LRMDA: variants seen among roughly 807,000 people sequenced by gnomAD.
LRMDA encodes the protein leucine rich melanocyte differentiation associated.
In LRMDA, 18 loss-of-function variants were observed where a neutral mutation model predicts 29.8. The observed-to-expected ratio is 0.60, with a 90% confidence interval of 0.42 to 0.90. The LOEUF is 0.90. LRMDA is among the 40% of genes least tolerant of loss of function. LRMDA has a pLI of 0.00. For synonymous variants in LRMDA, 125 were observed against 109.4 expected, an observed-to-expected ratio of 1.14 and a Z score of -0.89; for missense variants, 273 against 273.9, an observed-to-expected ratio of 1.00 and a Z score of 0.02.
chr10:76,110,235 C>T (rs1264467761), intron 5 of LRMDA, among the ~76,000 whole-genome samples: 1 of 152,200 alleles, frequency 6.6e-6, no homozygotes, highest in African/African-American at 2.4e-5. Flanking sequence ...ATCTGTTCCA[C>T]ATTCTACCTG....
chr10:76,036,064 A>G lies in LRMDA; in HGVS notation c.188A>G (p.Asn63Ser), dbSNP rs1292447901. The G allele has an allele frequency of 3.7e-6, 6 of 1,614,092 alleles. No individual in the cohort carries two copies. Among genetic ancestry groups the G allele is most frequent in the Admixed American group, 1.7e-5 (1 of 60,022 alleles). ...RSLEELILDN[N>S]QLGDDLVLPG... ...CTGGAGGAACTCATCTTGGACAACA[A>G]TCAGCTGGGGGACGACCTTGTGTTG... The change falls in exon 3 of 7, where the codon AAT (asparagine) becomes AGT (serine). Residue 63 changes from asparagine (N) to serine (S), a missense_variant. Coordinates refer to ENST00000611255, the MANE Select transcript of LRMDA (RefSeq NM_001305581.2).
chr10:75,608,110 G>GTGTATATATATATATATATATATATATA (rs1491171608), intron 2 of LRMDA, among the ~76,000 whole-genome samples: 1 of 101,334 alleles, frequency 9.9e-6, no homozygotes, highest in African/African-American at 2.8e-5. Flanking sequence ...TGTAGTGTGT[G>GTGTATATATATATATATATATATATATA]TATATATATA....
intron 2 of LRMDA, among the ~76,000 whole-genome samples, chr10:75,859,476 T>C (rs927465420): frequency 1.3e-5 from 2 of 152,134 alleles, no homozygotes; most frequent in Non-Finnish European, 2.9e-5. Context: ...ATTTGAAAAA[T>C]AATTTCACAT....
chr10:75,948,494 G>T (rs1846516684), intron 2 of LRMDA, among the ~76,000 whole-genome samples: 1 of 152,182 alleles, frequency 6.6e-6, no homozygotes, highest in Non-Finnish European at 1.5e-5. Flanking sequence ...TTCTTGTGTT[G>T]TTGGTGCTGA....
chr10:76,157,859 G>A (rs966487966), intron 5 of LRMDA, among the ~76,000 whole-genome samples: 2 of 152,132 alleles, frequency 1.3e-5, no homozygotes, highest in African/African-American at 4.8e-5. Context: ...GGTATAGCAT[G>A]CAATACACCT....
intron 2 of LRMDA, among the ~76,000 whole-genome samples, chr10:75,810,538 T>G (rs1430955521): frequency 6.6e-6 from 1 of 152,186 alleles, no homozygotes; most frequent in Non-Finnish European, 1.5e-5. Context: ...GAGTTGAACC[T>G]CATGAAATCA....
intron 2 of LRMDA, among the ~76,000 whole-genome samples, chr10:75,758,196 G>T (rs1036868710): frequency 4.6e-5 from 7 of 152,230 alleles, no homozygotes; most frequent in African/African-American, 1.7e-4. Flanking sequence ...GGGTGTGAGG[G>T]GGGTGACGGG....
At chr10:75,619,552 T>C (rs1841153468) in intron 2 of LRMDA, among the ~76,000 whole-genome samples, 1 of 152,206 alleles carries the variant, frequency 6.6e-6, no homozygotes, top group African/African-American at 2.4e-5. Context: ...GTTCTATTTT[T>C]GGGCTGAGAC....
chr10:75,492,999 C>G (rs1845005239), intron 2 of LRMDA, among the ~76,000 whole-genome samples: 1 of 152,114 alleles, frequency 6.6e-6, no homozygotes, highest in Non-Finnish European at 1.5e-5. Flanking sequence ...GTAAAAGGGA[C>G]AGTATTGTTC....
At chr10:76,330,653 C>CT (rs1410929375) in intron 6 of LRMDA, among the ~76,000 whole-genome samples, 1 of 152,160 alleles carries the variant, frequency 6.6e-6, no homozygotes, top group African/African-American at 2.4e-5. Context: ...CCAGAGAGAC[C>CT]TTGCTTCTGA....
Position 75,679,346 on chromosome 10 carries a change from CATT to C in LRMDA, c.131+240861_131+240863del, listed in dbSNP as rs1408420285. ...CATTCCTGCGACCTCAGAGAGTAGGCATTATTATTATACCTAATTTGAAGAAAT... is the reference window on the plus strand; with the variant it reads ...CATTCCTGCGACCTCAGAGAGTAGGCATTATTATACCTAATTTGAAGAAAT... On this transcript the variant is annotated intron_variant, in intron 2 of 6. Coordinates refer to ENST00000611255, the MANE Select transcript of LRMDA (RefSeq NM_001305581.2). 2.6e-5 allele frequency among the ~76,000 whole-genome samples: 4 copies of C among 152,158 alleles called. No homozygotes were observed. The East Asian group carries it at 7.7e-4, about 29-fold the overall frequency.
chr10:76,372,592 T>G (rs972554054), intron 6 of LRMDA, among the ~76,000 whole-genome samples: 1 of 98,378 alleles, frequency 1.0e-5, no homozygotes, highest in Non-Finnish European at 2.3e-5. Flanking sequence ...CCAGCCTGGG[T>G]GACAGAGACA....
At chr10:76,017,353 G>A (rs577777421) in intron 2 of LRMDA, among the ~76,000 whole-genome samples, 39 of 152,354 alleles carry the variant, frequency 2.6e-4, no homozygotes, top group African/African-American at 9.4e-4. Context: ...CCCTCCCCTA[G>A]TGCCTTCAGA....
chr10:75,651,160 T>C (rs1841594674), intron 2 of LRMDA, among the ~76,000 whole-genome samples: 3 of 152,026 alleles, frequency 2.0e-5, no homozygotes, highest in Non-Finnish European at 4.4e-5. Flanking sequence ...TTCTGTACTC[T>C]GTGTGCTGTT....
At chr10:75,496,981 G>A (rs1433925417) in intron 2 of LRMDA, among the ~76,000 whole-genome samples, 1 of 151,754 alleles carries the variant, frequency 6.6e-6, no homozygotes, top group African/African-American at 2.4e-5. Flanking sequence ...AGAACTCCTG[G>A]CCTAGCTTTT....
At chr10:75,602,759 A>G (rs1840903552) in intron 2 of LRMDA, among the ~76,000 whole-genome samples, 1 of 152,220 alleles carries the variant, frequency 6.6e-6, no homozygotes, top group Non-Finnish European at 1.5e-5. Context: ...GTGTTGGCTC[A>G]TATTGTTTGG....
intron 2 of LRMDA, among the ~76,000 whole-genome samples, chr10:75,901,091 GA>G (rs1845663154): frequency 1.3e-5 from 2 of 152,204 alleles, no homozygotes; most frequent in African/African-American, 4.8e-5. Flanking sequence ...GACAGAGAGG[GA>G]AAGGGAGATG....
intron 6 of LRMDA, among the ~76,000 whole-genome samples, chr10:76,521,295 G>T (rs950563127): frequency 2.0e-5 from 3 of 151,916 alleles, no homozygotes; most frequent in South Asian, 2.1e-4. Context: ...CACCACGCCC[G>T]GCTAATTTTT....
intron 2 of LRMDA, among the ~76,000 whole-genome samples, chr10:75,704,621 T>C (rs1295546242): frequency 2.0e-5 from 3 of 152,200 alleles, no homozygotes; most frequent in Admixed American, 2.0e-4. Context: ...CTTGGTCTCA[T>C]GTTGGCCATA....
Sources: allele counts gnomAD v4.1 joint callset (sites outside exome capture counted in the v4.1 genomes callset), GRCh38; gene constraint gnomAD v4.1.1; transcripts MANE v1.5; gene names NCBI Gene and HGNC (gene_info 2026-07-23, HGNC 2026-07-21).